The following OLA1 variants were observed in gnomAD, a reference collection of about 807,000 sequenced individuals.
OLA1 encodes Obg like ATPase 1.
A neutral mutation model predicts 48.4 loss-of-function variants in OLA1; 14 were observed. That is an observed-to-expected ratio of 0.29 (90% confidence interval 0.19 to 0.45). The LOEUF is 0.45. Ranked by LOEUF, OLA1 falls within the 20% of genes least tolerant of loss-of-function variation. The pLI is 1.00. For synonymous variants in OLA1, 127 were observed against 150.4 expected, an observed-to-expected ratio of 0.84 and a Z score of 1.14; for missense variants, 325 against 467.1, an observed-to-expected ratio of 0.70 and a Z score of 2.80.
intron 4 of OLA1, among the ~76,000 whole-genome samples, chr2:174,170,337 A>G (rs370837803): frequency 9.2e-5 from 14 of 152,376 alleles, no homozygotes; most frequent in African/African-American, 3.1e-4. Context: ...TAATCACTAG[A>G]GCAATCACTT....
At chr2:174,078,220 A>G (rs921382176) in intron 10 of OLA1, among the ~76,000 whole-genome samples, 1 of 152,026 alleles carries the variant, frequency 6.6e-6, no homozygotes, top group Non-Finnish European at 1.5e-5. Flanking sequence ...TTTAAATTCT[A>G]TAACATTTAC....
Position 174,144,952 on chromosome 2 carries a change from ATATATAT to A in OLA1, c.374-2959_374-2953del, listed in dbSNP as rs1372175582. ...GTTTAAAAAAAAAAAAAAAAAAAAA[ATATATAT>A]ATATATATATATATATATATATAAT... On this transcript the variant is annotated intron_variant, in intron 4 of 10. Transcript: ENST00000284719. 2.9e-3 allele frequency among the ~76,000 whole-genome samples: 144 copies of A among 48,978 alleles called. 1 individual carries two copies. Among genetic ancestry groups the A allele is most frequent in the African/African-American group, 9.1e-3 (125 of 13,728 alleles). The allele number at this position is 48,978 out of a possible 152,430, so 32.1% of individuals were successfully genotyped here.
chr2:174,167,984 C>A (rs1245196322), intron 4 of OLA1, among the ~76,000 whole-genome samples: 1 of 152,212 alleles, frequency 6.6e-6, no homozygotes, highest in Non-Finnish European at 1.5e-5. Flanking sequence ...ATACAAAAAG[C>A]AGCTACCTAA....
In OLA1 at chr2:174,194,948, A is replaced by G. The variant is rs768385400; in HGVS notation, c.373+28085T>C. 8.7e-4 allele frequency among the ~76,000 whole-genome samples: 133 copies of G among 152,232 alleles called. 1 individual carries two copies. Among genetic ancestry groups the G allele is most frequent in the Non-Finnish European group, 4.9e-4 (33 of 68,016 alleles). ...ATACAACATACAAACGTGCATATTC[A>G]TATTTTCTCTCTCTCTCTCTGCAAC... On this transcript the variant is annotated intron_variant, in intron 4 of 10. Transcript: ENST00000284719.
In OLA1 at chr2:174,078,991, C is replaced by T; in HGVS notation, c.1066G>A (p.Glu356Lys). Residue 356 changes from glutamate to lysine, a missense_variant, in exon 10 of 11, where the codon GAA (glutamate) becomes AAA (lysine). Coordinates refer to ENST00000284719, the MANE Select transcript of OLA1 (RefSeq NM_013341.5). ...EVMKYEDFKE[E>K]GSENAVKAAG... Reference sequence around the variant, plus strand: ...ACCTTGACTGCATTTTCAGAACCTTCCTCTTTAAAATCTTCGTATTTCATT... The same window carrying T: ...ACCTTGACTGCATTTTCAGAACCTTTCTCTTTAAAATCTTCGTATTTCATT... 1 of 1,603,136 alleles carries T rather than the reference C, an allele frequency of 6.2e-7. No homozygotes were observed. The highest frequency in any genetic ancestry group is 8.5e-7 in the Non-Finnish European group (1 of 1,175,734).
chr2:174,199,987 T>C (rs1050710776), intron 4 of OLA1, among the ~76,000 whole-genome samples: 5 of 152,150 alleles, frequency 3.3e-5, no homozygotes, highest in Admixed American at 6.5e-5. Context: ...ATGCTGGACA[T>C]TAAAGAAATT....
At chr2:174,107,698 T>C (rs1374670343) in intron 7 of OLA1, among the ~76,000 whole-genome samples, 1 of 152,118 alleles carries the variant, frequency 6.6e-6, no homozygotes, top group Non-Finnish European at 1.5e-5. Flanking sequence ...CATATTTGTA[T>C]TGGATCCTAA....
chr2:174,074,132 T>C lies in OLA1; in HGVS notation c.*1294A>G, dbSNP rs968218496. On this transcript the variant is annotated 3_prime_UTR_variant, in exon 11 of 11. Coordinates refer to ENST00000284719, the MANE Select transcript of OLA1 (RefSeq NM_013341.5). ...TAACTTTCCATTTTAAGTTTGTGTG[T>C]GTTCTAATACTTCTGCATCTTTAAA... 2 of 152,218 alleles carry C rather than the reference T, an allele frequency of 1.3e-5. No individual in the cohort carries two copies. The highest frequency in any genetic ancestry group is 4.8e-5 in the African/African-American group (2 of 41,458). 9.4% of individuals were successfully genotyped at this position (152,218 alleles called of 1,614,324 possible). A position where few individuals can be genotyped will look rare whatever the true frequency, so the allele number is the denominator to read the frequency against.
intron 4 of OLA1, among the ~76,000 whole-genome samples, chr2:174,153,657 C>A (rs2105390348): frequency 6.6e-6 from 1 of 152,084 alleles, no homozygotes; most frequent in East Asian, 1.9e-4. Context: ...GAATTATAAC[C>A]CAGAGTCAAC....
At chr2:174,176,935 C>G (rs1038044808) in intron 4 of OLA1, among the ~76,000 whole-genome samples, 5 of 152,146 alleles carry the variant, frequency 3.3e-5, no homozygotes, top group Admixed American at 2.0e-4. Context: ...ACTGAGCAAA[C>G]CATGATTGAG....
intron 4 of OLA1, among the ~76,000 whole-genome samples, chr2:174,192,343 A>C (rs554206867): frequency 6.6e-6 from 1 of 152,298 alleles, no homozygotes; most frequent in East Asian, 1.9e-4. Flanking sequence ...AAATGCTCCT[A>C]CAAGCATTTC....
At chr2:174,130,506 CCT>C (rs1220792962) in intron 5 of OLA1, among the ~76,000 whole-genome samples, 4 of 152,128 alleles carry the variant, frequency 2.6e-5, no homozygotes, top group African/African-American at 9.7e-5. Flanking sequence ...GTTCCTGGCC[CCT>C]GTCTGCAATA....
chr2:174,112,521 C>T (rs1411566941), intron 7 of OLA1, among the ~76,000 whole-genome samples: 2 of 152,152 alleles, frequency 1.3e-5, no homozygotes, highest in Non-Finnish European at 2.9e-5. Flanking sequence ...CCCCAAGGTT[C>T]GTGTGTTAGG....
chr2:174,198,087 C>A (rs144209673), intron 4 of OLA1, among the ~76,000 whole-genome samples: 275 of 152,270 alleles, frequency 1.8e-3, no homozygotes, highest in African/African-American at 6.2e-3. Context: ...CCTCAGCACC[C>A]CCTAGTAGCT....
chr2:174,237,197 T>G (rs1398986823), intron 2 of OLA1, among the ~76,000 whole-genome samples: 1 of 151,968 alleles, frequency 6.6e-6, no homozygotes, highest in African/African-American at 2.4e-5. Context: ...TTTTAAAAAC[T>G]TTTTTGTTAA....
At chr2:174,184,556 G>T (rs900161573) in intron 4 of OLA1, among the ~76,000 whole-genome samples, 13 of 152,210 alleles carry the variant, frequency 8.5e-5, no homozygotes, top group African/African-American at 3.1e-4. Context: ...ATCCTGGATT[G>T]AATCCTGGAC....
chr2:174,142,965 A>G (rs1032527264), intron 4 of OLA1, among the ~76,000 whole-genome samples: 5 of 152,314 alleles, frequency 3.3e-5, no homozygotes, highest in Non-Finnish European at 1.5e-5. Context: ...ATAAAGTATC[A>G]ATTATTTTAG....
chr2:174,109,815 G>C (rs1269975213), intron 7 of OLA1, among the ~76,000 whole-genome samples: 1 of 152,154 alleles, frequency 6.6e-6, no homozygotes, highest in Non-Finnish European at 1.5e-5. Context: ...CATGATGAGA[G>C]TTAACAAAAT....
intron 1 of OLA1, chr2:174,247,847 T>C (rs1689161558): frequency 1.3e-6 from 2 of 1,501,148 alleles, no homozygotes; most frequent in South Asian, 1.2e-5. Flanking sequence ...ACTAGTTCTG[T>C]CTCCAAATCA....
Sources: allele counts gnomAD v4.1 joint callset (sites outside exome capture counted in the v4.1 genomes callset), GRCh38; gene constraint gnomAD v4.1.1; transcripts MANE v1.5; gene names NCBI Gene and HGNC (gene_info 2026-07-23, HGNC 2026-07-21).